Variants in POU3F3 observed in about 807,000 individuals in gnomAD.
POU3F3 encodes POU class 3 homeobox 3.
POU3F3 carries 1 observed loss-of-function variant against 8.6 expected under a neutral mutation model. The observed-to-expected ratio is 0.12, with a 90% CI of 0.04 to 0.55. The LOEUF (loss-of-function observed/expected upper bound fraction) is 0.55. POU3F3 is among the 20% of genes least tolerant of loss of function. POU3F3 has a pLI of 0.91. For missense variants in POU3F3, 577 were observed against 690.7 expected, an observed-to-expected ratio of 0.84 and a Z score of 1.84; for synonymous variants, 418 against 327.4, an observed-to-expected ratio of 1.28 and a Z score of -2.99.
downstream of POU3F3, among the ~76,000 whole-genome samples, chr2:104,863,529 G>A (rs1420281968): frequency 6.6e-6 from 1 of 152,150 alleles, no homozygotes; most frequent in African/African-American, 2.4e-5. Flanking sequence ...GCTGCTGACG[G>A]TGGAGTTCAG....
At chr2:104,909,070 A>T in the POU3F3 span, among the ~76,000 whole-genome samples, 1 of 152,246 alleles carries the variant, frequency 6.6e-6, no homozygotes, top group East Asian at 1.9e-4. Flanking sequence ...AAAAAGTGAC[A>T]CTAGAAATTA....
chr2:104,917,332 C>T, the POU3F3 span, among the ~76,000 whole-genome samples: 3 of 152,186 alleles, frequency 2.0e-5, no homozygotes, highest in African/African-American at 7.2e-5. Flanking sequence ...CTGCCCTGCT[C>T]CCAAGAGCTT....
chr2:104,867,974 T>A, the POU3F3 span: 1 of 269,826 alleles, frequency 3.7e-6, no homozygotes, highest in Non-Finnish European at 7.4e-6. This position sits in a 1 kb window ranked among gnomAD's most constrained non-coding sequence, Gnocchi z 5.0. Context: ...CGGCGCCCCC[T>A]GCCACCATAG....
chr2:104,925,327 G>C, the POU3F3 span, among the ~76,000 whole-genome samples: 2 of 152,172 alleles, frequency 1.3e-5, no homozygotes, highest in Non-Finnish European at 2.9e-5. Flanking sequence ...AAGATGAGAA[G>C]GGTATTAAAT....
chr2:104,881,575 C>A, the POU3F3 span, among the ~76,000 whole-genome samples: 2 of 152,198 alleles, frequency 1.3e-5, no homozygotes, highest in Admixed American at 6.5e-5. Context: ...CCCTCTCTCT[C>A]TACACACATA....
chr2:104,874,639 C>T, the POU3F3 span, among the ~76,000 whole-genome samples: 1 of 152,094 alleles, frequency 6.6e-6, no homozygotes, highest in Non-Finnish European at 1.5e-5. Context: ...AGTAGCTGGG[C>T]AGGTGGCTGA....
the POU3F3 span, chr2:104,865,913 G>A: frequency 2.0e-5 from 3 of 152,176 alleles, no homozygotes; most frequent in Non-Finnish European, 4.4e-5. Context: ...AAATGTCTTA[G>A]TAGCTTGGTC....
In POU3F3 at chr2:104,855,669, G is replaced by A. The variant is rs1309827378; in HGVS notation, c.159G>A (p.Pro53=). The A allele has an allele frequency of 1.8e-6, 2 of 1,092,272 alleles. No individual in the cohort carries two copies. Among genetic ancestry groups the A allele is most frequent in the East Asian group, 7.7e-5 (1 of 13,044 alleles). 67.7% of individuals were successfully genotyped at this position (1,092,272 alleles called of 1,614,324 possible). Residue 53 remains proline, a synonymous_variant, in exon 1 of 1, where the codon CCG becomes CCA. Coordinates refer to ENST00000361360, the MANE Select transcript of POU3F3 (RefSeq NM_006236.3). ...GGGGCGGGGGCGGCGGCATGCAGCC[G>A]GGCAGCGCCGCCGTGACCTCGGGCG... ...GAGGGGGGMQ[P]GSAAVTSGAY...
chr2:104,862,320 C>A (rs377569588), downstream of POU3F3, among the ~76,000 whole-genome samples: 51 of 152,292 alleles, frequency 3.3e-4, 1 homozygote, highest in East Asian at 9.1e-3. Flanking sequence ...ATTCTCTTGG[C>A]GGCACGATGT....
the POU3F3 span, among the ~76,000 whole-genome samples, chr2:104,902,929 C>A: frequency 6.6e-6 from 1 of 152,164 alleles, no homozygotes; most frequent in African/African-American, 2.4e-5. Flanking sequence ...GCCCTGACAT[C>A]GCGCTTAGTT....
At chr2:104,884,941 G>C in the POU3F3 span, among the ~76,000 whole-genome samples, 1 of 152,202 alleles carries the variant, frequency 6.6e-6, no homozygotes, top group African/African-American at 2.4e-5. Flanking sequence ...TGTCTGATAC[G>C]GCTCCTCACA....
At chr2:104,914,773 G>T in the POU3F3 span, among the ~76,000 whole-genome samples, 1 of 152,164 alleles carries the variant, frequency 6.6e-6, no homozygotes, top group Admixed American at 6.5e-5. Context: ...AAGAGACAGT[G>T]TCTATCTCCT....
Position 104,855,671 on chromosome 2 carries a change from G to T in POU3F3, c.161G>T (p.Gly54Val). 9.1e-7 allele frequency: 1 copy of T among 1,104,264 alleles called. No individual in the cohort carries two copies. The highest frequency in any genetic ancestry group is 1.1e-6 in the Non-Finnish European group (1 of 897,800). The allele number at this position is 1,104,264 out of a possible 1,614,324, so 68.4% of individuals were successfully genotyped here. The change falls in exon 1 of 1, where the codon GGC becomes GTC. Residue 54 changes from glycine to valine, a missense_variant. Gly to Val is a moderately radical substitution (Grantham distance 109). Around this residue, in one of 7 missense-constraint regions of POU3F3, gnomAD observed 484 missense variants for 422.6 expected, o/e 1.15. Transcript: ENST00000361360. Reference sequence around the variant, plus strand: ...GGCGGGGGCGGCGGCATGCAGCCGGGCAGCGCCGCCGTGACCTCGGGCGCC... The same window carrying T: ...GGCGGGGGCGGCGGCATGCAGCCGGTCAGCGCCGCCGTGACCTCGGGCGCC... ...AGGGGGGMQP[G>V]SAAVTSGAYR...
At position 104,855,627 on chromosome 2, in the gene POU3F3, C is replaced by CGGCGGG. The variant is rs1357721431; in HGVS notation, c.123_128dup (p.Gly42_Gly43dup). ...GCGGCGGGGGTGGCGGCGGCGGCGG[C>CGGCGGG]GGCGGGGGCGGCGCAGGGGGCGGGG... On this transcript the variant is annotated inframe_insertion, in exon 1 of 1. Coordinates refer to ENST00000361360, the MANE Select transcript of POU3F3 (RefSeq NM_006236.3). 7 of 644,094 alleles carry CGGCGGG rather than the reference C, an allele frequency of 1.1e-5. No individual in the cohort carries two copies. The highest frequency in any genetic ancestry group is 1.3e-5 in the Non-Finnish European group (7 of 557,138). 39.9% of individuals were successfully genotyped at this position (644,094 alleles called of 1,614,324 possible).
downstream of POU3F3, among the ~76,000 whole-genome samples, chr2:104,860,537 C>G (rs1310684251): frequency 6.6e-6 from 1 of 151,974 alleles, no homozygotes; most frequent in Non-Finnish European, 1.5e-5. Context: ...CAATCCAACC[C>G]CCCCTCCCCT....
At chr2:104,889,811 C>T in the POU3F3 span, among the ~76,000 whole-genome samples, 1 of 152,210 alleles carries the variant, frequency 6.6e-6, no homozygotes, top group African/African-American at 2.4e-5. Context: ...CTTTCATAAA[C>T]ATTATAAAGT....
chr2:104,895,378 T>C, the POU3F3 span, among the ~76,000 whole-genome samples: 1 of 152,206 alleles, frequency 6.6e-6, no homozygotes, highest in African/African-American at 2.4e-5. Context: ...TTACAGGACT[T>C]TGCTTTCTAC....
At chr2:104,881,819 G>C in the POU3F3 span, among the ~76,000 whole-genome samples, 1 of 152,188 alleles carries the variant, frequency 6.6e-6, no homozygotes, top group African/African-American at 2.4e-5. Flanking sequence ...GCATGAACAC[G>C]TAGCAGAGTG....
At chr2:104,881,791 G>T in the POU3F3 span, among the ~76,000 whole-genome samples, 1 of 152,192 alleles carries the variant, frequency 6.6e-6, no homozygotes. Context: ...GTGCTTTCCT[G>T]CAGCTTGAGC....
Sources: gnomAD v4.1 joint callset for allele counts (sites outside exome capture counted in the v4.1 genomes callset) on GRCh38, gnomAD v4.1.1 for gene constraint, gnomAD v4.1.1 regional missense constraint, Gnocchi (gnomAD v3.1) non-coding constraint, MANE v1.5 for transcripts, NCBI Gene and HGNC (gene_info 2026-07-23, HGNC 2026-07-21) for gene names.